Variants in ADAM18 observed in about 807,000 individuals in gnomAD.
The protein encoded by ADAM18 is disintegrin and metalloproteinase domain-containing protein 18.
In ADAM18, 117 loss-of-function variants were observed where a neutral mutation model predicts 94.4. The observed-to-expected ratio is 1.24, with a 90% CI of 1.07 to 1.45. The LOEUF (loss-of-function observed/expected upper bound fraction) is 1.45. ADAM18 is among the 40% of genes most tolerant of loss of function. The pLI, the probability that ADAM18 is intolerant of heterozygous loss-of-function variation, is 0.00. For synonymous variants in ADAM18, 327 were observed against 291.6 expected (o/e 1.12, Z -1.24); for missense variants, 936 against 880.0 (o/e 1.06, Z -0.81).
At chr8:39,636,774 T>C (rs970622416) in intron 7 of ADAM18, among the ~76,000 whole-genome samples, 3 of 151,798 alleles carry the variant, frequency 2.0e-5, no homozygotes, top group Non-Finnish European at 4.4e-5. Context: ...GAATGCCGTT[T>C]CCACATTTCT....
chr8:39,706,763 A>T, intron 17 of ADAM18, 27 bp from the exon 18 acceptor site: 1 of 1,344,666 alleles, frequency 7.4e-7, no homozygotes. Context: ...AGACGACTCA[A>T]ACTGTTTCTG....
chr8:39,606,360 AC>A lies in ADAM18; in HGVS notation c.187del (p.Gln63AsnfsTer27). 1 of 1,543,116 alleles carries A rather than the reference AC, an allele frequency of 6.5e-7. No individual in the cohort carries two copies. The highest frequency in any genetic ancestry group is 8.8e-7 in the Non-Finnish European group (1 of 1,137,262). ...GQPYTLHLGK[Q>X]SFLPQNFLVY... ...AACCTTACACTCTACATCTCGGAAA[AC>A]AGTAAGATATGATTTTTTTTTCATT... On this transcript the variant is annotated frameshift_variant and splice_region_variant, in exon 3 of 20. Transcript: ENST00000265707. LOFTEE classifies it high-confidence loss of function.
At chr8:39,627,647 T>G (rs2129578985) in intron 6 of ADAM18, among the ~76,000 whole-genome samples, 1 of 152,184 alleles carries the variant, frequency 6.6e-6, no homozygotes, top group Non-Finnish European at 1.5e-5. Context: ...GATGTTTGGT[T>G]TGTGATTTTT....
intron 16 of ADAM18, chr8:39,685,313 T>A (rs961578799): frequency 1.3e-5 from 2 of 152,336 alleles, no homozygotes; most frequent in African/African-American, 4.8e-5. Flanking sequence ...GAACATCTCC[T>A]TGGGTCTCAT....
At chr8:39,636,257 G>T (rs914976531) in intron 7 of ADAM18, among the ~76,000 whole-genome samples, 5 of 151,960 alleles carry the variant, frequency 3.3e-5, no homozygotes, top group African/African-American at 1.2e-4. Context: ...AAGTGTTGGG[G>T]TTATAGGCGT....
intron 11 of ADAM18, among the ~76,000 whole-genome samples, chr8:39,646,729 A>G (rs1463767146): frequency 1.3e-5 from 2 of 152,206 alleles, no homozygotes; most frequent in East Asian, 3.8e-4. Context: ...TCCTAGATAT[A>G]CTAGTGGAAA....
Position 39,610,723 on chromosome 8 carries a change from T to C in ADAM18, c.522+17T>C, listed in dbSNP as rs1819249297. ...AACTCACAGGTGACTGTCATCATTC[T>C]GATGTTATGACATACTAGAACATTG... On this transcript the variant is annotated intron_variant, in intron 6 of 19. Transcript: ENST00000265707. 2 of 1,609,650 alleles carry C rather than the reference T, an allele frequency of 1.2e-6. No homozygotes were observed. The highest frequency in any genetic ancestry group is 1.7e-5 in the Admixed American group (1 of 59,292).
At chr8:39,661,928 T>TTA (rs150994423) in intron 12 of ADAM18, among the ~76,000 whole-genome samples, 4,544 of 148,036 alleles carry the variant, frequency 0.031, 244 homozygotes, top group African/African-American at 0.1. Flanking sequence ...TAGGCTTATT[T>TTA]TATATATATA....
intron 14 of ADAM18, 105 bp downstream of exon 14, chr8:39,668,301 A>G (rs1821052390): frequency 1.3e-5 from 14 of 1,073,380 alleles, no homozygotes; most frequent in Non-Finnish European, 1.7e-5. Context: ...GAACCACAAG[A>G]TTAATAAAAA....
chr8:39,696,883 T>G (rs1480286237), intron 17 of ADAM18, among the ~76,000 whole-genome samples: 4 of 151,620 alleles, frequency 2.6e-5, no homozygotes, highest in Admixed American at 1.3e-4. Context: ...TTGTGATGCA[T>G]TTTTCAATTT....
rs1339577289 is a variant in ADAM18 at position 39,729,892 on chromosome 8, C to G, written c.2178-6C>G. 1.3e-5 allele frequency: 21 copies of G among 1,612,252 alleles called. No individual in the cohort carries two copies. Among genetic ancestry groups the G allele is most frequent in the Admixed American group, 1.7e-5 (1 of 59,982 alleles). On this transcript the variant is annotated splice_polypyrimidine_tract_variant and splice_region_variant and intron_variant, in intron 19 of 19. Coordinates refer to ENST00000265707, the MANE Select transcript of ADAM18 (RefSeq NM_014237.3). ...TTTCTATTTTTTCTGTTTTTCTTCA[C>G]TATAGTAATTCATCCGTTGTATCAG...
intron 11 of ADAM18, among the ~76,000 whole-genome samples, chr8:39,647,689 G>T (rs941729087): frequency 1.3e-5 from 2 of 152,086 alleles, no homozygotes; most frequent in African/African-American, 2.4e-5. Context: ...GTGGCTTTCC[G>T]CAGTGCATTG....
At chr8:39,675,169 G>C (rs1478143492) in intron 14 of ADAM18, among the ~76,000 whole-genome samples, 1 of 152,272 alleles carries the variant, frequency 6.6e-6, no homozygotes, top group East Asian at 1.9e-4. Context: ...ATGTTGGCCT[G>C]TCTTGTTAGG....
intron 12 of ADAM18, among the ~76,000 whole-genome samples, chr8:39,661,357 G>A (rs573083827): frequency 1.0e-5 from 1 of 100,096 alleles, no homozygotes; most frequent in South Asian, 3.0e-4. Context: ...TGTATTTTTG[G>A]TAGAGTTGGG....
At position 39,648,410 on chromosome 8, in the gene ADAM18, A is replaced by T. The variant is rs141902185; in HGVS notation, c.1113A>T (p.Lys371Asn). 6.1e-5 allele frequency: 98 copies of T among 1,613,346 alleles called. No individual in the cohort carries two copies. The African/African-American group carries it at 1.2e-3, about 20-fold the overall frequency. The change falls in exon 12 of 20, where the codon AAA becomes AAT. Residue 371 changes from lysine (K) to asparagine (N), a missense_variant. Transcript: ENST00000265707. The stretch of plus-strand genomic sequence containing the variant: ...ACGACTATAGATATTTTGTTTCAAA[A>T]TTTGAGACTAAATGCCTTCAGAAGC... Reference protein sequence around the residue: ...SMHDYRYFVSKFETKCLQKLS... With the variant: ...SMHDYRYFVSNFETKCLQKLS...
rs139133869 is a variant in ADAM18, at chr8:39,648,499, A to T, written c.1202A>T (p.Asn401Ile). 2 of 1,608,838 alleles carry T rather than the reference A, an allele frequency of 1.2e-6. No homozygotes were observed. Among genetic ancestry groups the T allele is most frequent in the Non-Finnish European group, 1.7e-6 (2 of 1,178,050 alleles). Residue 401 changes from asparagine (N) to isoleucine (I), a missense_variant, in exon 12 of 20, where the codon AAT becomes ATT. By Grantham distance (149) the Asn-to-Ile change is moderately radical. Coordinates refer to ENST00000265707, the MANE Select transcript of ADAM18 (RefSeq NM_014237.3). ...TGTGGTAATGGGATTTTGGAATCCA[A>T]TGAAGAATGTGACTGTGGTAATAAA... ...PVCGNGILESNEECDCGNKNE... is the reference protein window; with the variant it reads ...PVCGNGILESIEECDCGNKNE...
At chr8:39,721,933 C>A (rs1239838666) in intron 18 of ADAM18, among the ~76,000 whole-genome samples, 1 of 150,964 alleles carries the variant, frequency 6.6e-6, no homozygotes, top group South Asian at 2.1e-4. Context: ...AATCATTATA[C>A]ATCATATGTT....
At chr8:39,623,351 G>C (rs1462260860) in intron 6 of ADAM18, among the ~76,000 whole-genome samples, 3 of 151,936 alleles carry the variant, frequency 2.0e-5, no homozygotes, top group Non-Finnish European at 4.4e-5. Context: ...CTTTTTTGGG[G>C]GATAATCAAC....
At chr8:39,721,365 C>G (rs1394239482) in intron 18 of ADAM18, among the ~76,000 whole-genome samples, 5 of 151,312 alleles carry the variant, frequency 3.3e-5, no homozygotes. Flanking sequence ...ATTTATGACT[C>G]AAAGACCTCA....
Sources: allele counts gnomAD v4.1 joint callset (sites outside exome capture counted in the v4.1 genomes callset), GRCh38; gene constraint gnomAD v4.1.1; transcripts MANE v1.5; gene names NCBI Gene and HGNC (gene_info 2026-07-23, HGNC 2026-07-21).